Variants in ZNF829 observed in about 807,000 individuals in gnomAD.
ZNF829 encodes zinc finger protein 829.
ZNF829 carries 25 observed loss-of-function variants against 35.2 expected under a neutral mutation model. The ratio of observed to expected loss-of-function variants is 0.71; its 90% CI spans 0.52 to 0.99. ZNF829 has a LOEUF of 0.99. Among genes scored for constraint, ZNF829 ranks in the 50% least tolerant of loss-of-function variants. The probability of loss-of-function intolerance (pLI) is 0.00; values close to 1 mark genes in which losing one functional copy is unlikely to be tolerated. For synonymous variants in ZNF829, 136 were observed against 163.2 expected, an observed-to-expected ratio of 0.83 and a Z score of 1.27; for missense variants, 417 against 515.3, an observed-to-expected ratio of 0.81 and a Z score of 1.85.
chr19:36,901,988 C>G, intron 5 of ZNF829: 2 of 729,358 alleles, frequency 2.7e-6, no homozygotes, highest in South Asian at 2.9e-5. Context: ...TGTCCCATAA[C>G]GAATCCATGT....
At chr19:36,915,876 G>A in intron 1 of ZNF829, 135 bp downstream of exon 1, 1 of 1,536,060 alleles carries the variant, frequency 6.5e-7, no homozygotes, top group African/African-American at 1.4e-5. Flanking sequence ...CCACCTTTCA[G>A]GCCGCTCCGC....
chr19:36,914,993 T>C lies in ZNF829; in HGVS notation c.68A>G (p.His23Arg), dbSNP rs752259601. The C allele has an allele frequency of 6.2e-7, 1 of 1,614,188 alleles. No homozygotes were observed. The highest frequency in any genetic ancestry group is 8.5e-7 in the Non-Finnish European group (1 of 1,180,034). Residue 23 changes from histidine (H) to arginine (R), a missense_variant, in exon 3 of 6, where the codon CAT becomes CGT. Transcript: ENST00000391711. Reference protein sequence around the residue: ...WCHPEEEERMHDELLQAVSKG... With the variant: ...WCHPEEEERMRDELLQAVSKG... ...GGATACTGCTTGTAGAAGTTCATCA[T>C]GCATTCTTTCCTCCTCTTCTGGGTG... is the stretch of plus-strand genomic sequence containing the variant.
At chr19:36,911,360 C>T (rs1216783453) in intron 3 of ZNF829, among the ~76,000 whole-genome samples, 1 of 152,044 alleles carries the variant, frequency 6.6e-6, no homozygotes, top group African/African-American at 2.4e-5. Context: ...CACAGGCACA[C>T]ACCACCACAT....
At position 36,891,116 on chromosome 19, in the gene ZNF829, A is replaced by G. The variant is rs991670861; in HGVS notation, c.*376T>C. On this transcript the variant is annotated 3_prime_UTR_variant, in exon 6 of 6. Coordinates refer to ENST00000391711, the MANE Select transcript of ZNF829 (RefSeq NM_001037232.4). ...TGGTGTCCAAATAAAAGACATACAC[A>G]GAGATACACAGCGAGAATGCAATGT... 5.9e-6 allele frequency: 1 copy of G among 168,970 alleles called. No individual in the cohort carries two copies. Among genetic ancestry groups the G allele is most frequent in the Non-Finnish European group, 1.3e-5 (1 of 79,702 alleles). The allele number at this position is 168,970 out of a possible 1,614,324, so 10.5% of individuals were successfully genotyped here.
Position 36,915,940 on chromosome 19 carries a change from G to A in ZNF829, c.-85+71C>T, listed in dbSNP as rs1329643373. On this transcript the variant is annotated intron_variant, in intron 1 of 5. Transcript: ENST00000391711. ...ATCGGTCTTCGGTATCCTCACCTAA[G>A]CCCTTTCCAGTCATCCCGGATGGGA... 4.6e-6 allele frequency: 7 copies of A among 1,535,120 alleles called. 1 individual carries two copies. The South Asian group carries it at 4.8e-5, about 10-fold the overall frequency.
At position 36,891,530 on chromosome 19, in the gene ZNF829, A is replaced by C; in HGVS notation, c.1261T>G (p.Ser421Ala). Residue 421 changes from serine to alanine, a missense_variant, in exon 6 of 6, where the codon TCT becomes GCT. Physicochemically the swap from Ser to Ala is moderately conservative, Grantham distance 99. Coordinates refer to ENST00000391711, the MANE Select transcript of ZNF829 (RefSeq NM_001037232.4). ...ATTCCCTCATGGCGAATGAGGTCAGAGCGACTACCAAAAGCCTTTCCACAT... is the reference window on the plus strand; with the variant it reads ...ATTCCCTCATGGCGAATGAGGTCAGCGCGACTACCAAAAGCCTTTCCACAT... ...KECGKAFGSR[S>A]DLIRHEGIHT... 6.3e-7 allele frequency: 1 copy of C among 1,597,140 alleles called. No individual in the cohort carries two copies.
chr19:36,900,148 ACACACACAC>A (rs1267123618), intron 5 of ZNF829, among the ~76,000 whole-genome samples: 1,418 of 16,706 alleles, frequency 0.085, 37 homozygotes, highest in African/African-American at 0.12. Flanking sequence ...TCTACTAAAC[ACACACACAC>A]ACACACACAC....
intron 5 of ZNF829, among the ~76,000 whole-genome samples, chr19:36,901,590 T>A (rs1450162750): frequency 6.6e-6 from 1 of 152,204 alleles, no homozygotes; most frequent in African/African-American, 2.4e-5. Context: ...TGGGCAACTT[T>A]TTAAATAAAG....
At chr19:36,902,455 C>T in intron 5 of ZNF829, among the ~76,000 whole-genome samples, 1 of 150,236 alleles carries the variant, frequency 6.7e-6, no homozygotes, top group East Asian at 2.0e-4. Flanking sequence ...GGTAACATGG[C>T]AAAATCCCAT....
chr19:36,916,071 G>A lies in ZNF829; in HGVS notation c.-145C>T, dbSNP rs763419227. 1.8e-4 allele frequency: 144 copies of A among 813,516 alleles called. No homozygotes were observed. Among genetic ancestry groups the A allele is most frequent in the Non-Finnish European group, 2.5e-4 (134 of 538,434 alleles). The allele number at this position is 813,516 out of a possible 1,614,324, so 50.4% of individuals were successfully genotyped here. ...ACGTTCGAATTCCTGCGAGAAAAGT[G>A]GCAGGCCACCAGGCCCTCTGGGAAA... On this transcript the variant is annotated 5_prime_UTR_variant, in exon 1 of 6. Transcript: ENST00000391711. The surrounding 1 kb of genome is among the most constrained non-coding windows in gnomAD (Gnocchi z 5.3).
At chr19:36,907,141 A>G (rs1231446361) in intron 5 of ZNF829, 4 of 150,164 alleles carry the variant, frequency 2.7e-5, no homozygotes, top group Non-Finnish European at 5.9e-5. Flanking sequence ...GTATATATTC[A>G]TAGAATGAAA....
chr19:36,900,949 T>C (rs996353047), intron 5 of ZNF829, among the ~76,000 whole-genome samples: 5 of 152,072 alleles, frequency 3.3e-5, no homozygotes, highest in African/African-American at 9.7e-5. Context: ...TGCAGCCAAT[T>C]TGGAAAAGAG....
At chr19:36,893,388 A>C (rs1452225670) in intron 5 of ZNF829, among the ~76,000 whole-genome samples, 1 of 152,202 alleles carries the variant, frequency 6.6e-6, no homozygotes, top group African/African-American at 2.4e-5. Flanking sequence ...AGTTTGAGAC[A>C]CAAGAGAGTT....
At position 36,891,778 on chromosome 19, in the gene ZNF829, G is replaced by A; in HGVS notation, c.1013C>T (p.Thr338Ile). ...ATGAATTCTGTGATGGTTAGTAAGT[G>A]TTGAGGCACTATTAAAGGCCTTCCC... ...QCGKAFNSAS[T>I]LTNHHRIHAG... Residue 338 changes from threonine to isoleucine, a missense_variant, in exon 6 of 6, where the codon ACA (threonine) becomes ATA (isoleucine). Thr to Ile is a moderately conservative substitution (Grantham distance 89). Transcript: ENST00000391711. 6.2e-7 allele frequency: 1 copy of A among 1,613,964 alleles called. No individual in the cohort carries two copies. The highest frequency in any genetic ancestry group is 1.1e-5 in the South Asian group (1 of 91,070).
At position 36,892,217 on chromosome 19, in the gene ZNF829, A is replaced by C; in HGVS notation, c.574T>G (p.Ser192Ala). The C allele has an allele frequency of 6.2e-7, 1 of 1,614,112 alleles. No individual in the cohort carries two copies. Among genetic ancestry groups the C allele is most frequent in the Non-Finnish European group, 8.5e-7 (1 of 1,180,026 alleles). Reference protein sequence around the residue: ...KHYESKEYGKSFSRGSLVTRH... With the variant: ...KHYESKEYGKAFSRGSLVTRH... Reference sequence around the variant, plus strand: ...GTAACGAGTGAGCCACGACTAAAGGACTTCCCATACTCCTTAGATTCATAG... The same window carrying C: ...GTAACGAGTGAGCCACGACTAAAGGCCTTCCCATACTCCTTAGATTCATAG... Residue 192 changes from serine to alanine, a missense_variant, in exon 6 of 6, where the codon TCC (serine) becomes GCC (alanine). Ser to Ala is a moderately conservative substitution (Grantham distance 99, BLOSUM62 1). Transcript: ENST00000391711.
At position 36,889,903 on chromosome 19, in the gene ZNF829, T is replaced by G. The variant is rs908071307; in HGVS notation, c.*1589A>C. 3 of 152,206 alleles carry G rather than the reference T, an allele frequency of 2.0e-5. No homozygotes were observed. The highest frequency in any genetic ancestry group is 7.2e-5 in the African/African-American group (3 of 41,462). 9.4% of individuals were successfully genotyped at this position (152,206 alleles called of 1,614,324 possible). ...TTTCTATCTTTTTGGTGTAGGCATT[T>G]AATGCTATAAAATCCTCTCTTAGCA... On this transcript the variant is annotated 3_prime_UTR_variant, in exon 6 of 6. Coordinates refer to ENST00000391711, the MANE Select transcript of ZNF829 (RefSeq NM_001037232.4).
rs186307413 is a variant in ZNF829 at position 36,900,982 on chromosome 19, A to T, written c.319+6947T>A. On this transcript the variant is annotated intron_variant, in intron 5 of 5. Transcript: ENST00000391711. ...GAGTCTAGCAGTTCCTCAACTGGCT[A>T]AACACAGAGTTATGATATGACCCAG... Among the ~76,000 whole-genome samples the T allele has an allele frequency of 4.0e-3, 607 of 152,324 alleles. 19 individuals carry two copies. The highest frequency in any genetic ancestry group is 0.036 in the Admixed American group (545 of 15,292).
chr19:36,895,670 T>TA (rs1164231429), intron 5 of ZNF829, among the ~76,000 whole-genome samples: 1 of 151,354 alleles, frequency 6.6e-6, no homozygotes, highest in Non-Finnish European at 1.5e-5. Flanking sequence ...GAAAAAAAAA[T>TA]ACTGCACACA....
intron 5 of ZNF829, among the ~76,000 whole-genome samples, chr19:36,904,470 G>A (rs1003800273): frequency 6.6e-6 from 1 of 152,130 alleles, no homozygotes. Flanking sequence ...CATGATCTCA[G>A]CTCACTGCAA....
Sources: gnomAD v4.1 joint callset for allele counts (sites outside exome capture counted in the v4.1 genomes callset) on GRCh38, gnomAD v4.1.1 for gene constraint, Gnocchi (gnomAD v3.1) non-coding constraint, MANE v1.5 for transcripts, NCBI Gene and HGNC (gene_info 2026-07-23, HGNC 2026-07-21) for gene names.